Variants in WWOX observed in about 807,000 individuals in gnomAD.
The protein encoded by WWOX is WW domain containing oxidoreductase, also known as WW domain-containing oxidoreductase.
A neutral mutation model predicts 46.2 loss-of-function variants in WWOX; 69 were observed. That is an observed-to-expected ratio of 1.49 (90% CI 1.23 to 1.82). The LOEUF (loss-of-function observed/expected upper bound fraction) is 1.82. WWOX is among the 40% of genes most tolerant of loss of function. The pLI, the probability that WWOX is intolerant of heterozygous loss-of-function variation, is 0.00. For synonymous variants in WWOX, 359 were observed against 202.6 expected, an observed-to-expected ratio of 1.77 and a Z score of -6.56; for missense variants, 919 against 542.6, an observed-to-expected ratio of 1.69 and a Z score of -6.89.
At chr16:78,457,768 T>C (rs1489224803) in intron 8 of WWOX, among the ~76,000 whole-genome samples, 1 of 151,756 alleles carries the variant, frequency 6.6e-6, no homozygotes, top group Non-Finnish European at 1.5e-5. Flanking sequence ...ACAAAAATTA[T>C]AGCTGGGCGT....
chr16:78,427,820 G>A (rs929588780), intron 7 of WWOX, among the ~76,000 whole-genome samples: 5 of 151,308 alleles, frequency 3.3e-5, no homozygotes, highest in Admixed American at 2.6e-4. Context: ...TGCAGTATAG[G>A]CCAGGCACAG....
intron 5 of WWOX, among the ~76,000 whole-genome samples, chr16:78,185,862 C>T (rs2035684987): frequency 6.6e-6 from 1 of 151,828 alleles, no homozygotes; most frequent in Non-Finnish European, 1.5e-5. Context: ...AGATGGGTTT[C>T]ACCATGTTGG....
At chr16:78,369,309 CAG>C (rs1173403306) in intron 5 of WWOX, among the ~76,000 whole-genome samples, 1 of 151,804 alleles carries the variant, frequency 6.6e-6, no homozygotes. Flanking sequence ...ATTTCATACT[CAG>C]GGGTATCTTT....
chr16:78,144,608 GC>G (rs1276164707), intron 4 of WWOX, among the ~76,000 whole-genome samples: 1 of 141,832 alleles, frequency 7.1e-6, no homozygotes, highest in Non-Finnish European at 1.5e-5. Flanking sequence ...TGCAACCTCT[GC>G]CTCCCAGGTT....
chr16:78,622,081 G>A (rs996179803), intron 8 of WWOX, among the ~76,000 whole-genome samples: 1 of 152,148 alleles, frequency 6.6e-6, no homozygotes, highest in African/African-American at 2.4e-5. Context: ...AAGCACACCA[G>A]TATTTTATTA....
chr16:78,655,931 T>C (rs1194580581), intron 8 of WWOX, among the ~76,000 whole-genome samples: 2 of 152,118 alleles, frequency 1.3e-5, no homozygotes, highest in Non-Finnish European at 2.9e-5. Flanking sequence ...TCTTTGTGCA[T>C]CTTAAAATCC....
intron 5 of WWOX, among the ~76,000 whole-genome samples, chr16:78,238,755 G>A (rs1463564600): frequency 6.6e-6 from 1 of 151,908 alleles, no homozygotes; most frequent in Non-Finnish European, 1.5e-5. Context: ...GAGTAGCTGG[G>A]ATTACAGACA....
intron 8 of WWOX, among the ~76,000 whole-genome samples, chr16:78,907,021 G>C (rs2044983016): frequency 6.6e-6 from 1 of 152,192 alleles, no homozygotes; most frequent in East Asian, 1.9e-4. Flanking sequence ...CTAGACAGGG[G>C]AATTGCAATA....
chr16:79,145,636 G>A lies in WWOX; in HGVS notation c.1057-65972G>A, dbSNP rs559537483. On this transcript the variant is annotated intron_variant, in intron 8 of 8. Transcript: ENST00000566780. The stretch of plus-strand genomic sequence containing the variant: ...TAACAAATACAGTAAGACAAAAAAA[G>A]TCTTAAGTAATGGGATGAAACCAAA... Among the ~76,000 whole-genome samples, 4 of 152,258 alleles carry A rather than the reference G, an allele frequency of 2.6e-5. No individual in the cohort carries two copies. In the East Asian group the frequency reaches 7.7e-4, roughly 29 times the overall value.
intron 8 of WWOX, among the ~76,000 whole-genome samples, chr16:78,654,593 T>C (rs2047039482): frequency 1.3e-5 from 2 of 152,172 alleles, no homozygotes; most frequent in Admixed American, 6.5e-5. Context: ...TAAATAGTTT[T>C]TTAGGTGATC....
intron 6 of WWOX, among the ~76,000 whole-genome samples, chr16:78,403,133 C>T (rs2082451401): frequency 6.6e-6 from 1 of 152,198 alleles, no homozygotes; most frequent in African/African-American, 2.4e-5. Flanking sequence ...GGGAGATGTA[C>T]AAAATGCATG....
intron 5 of WWOX, among the ~76,000 whole-genome samples, chr16:78,223,772 A>G (rs188640911): frequency 6.6e-6 from 1 of 152,306 alleles, no homozygotes; most frequent in Admixed American, 6.5e-5. Context: ...GAGCTGAGAA[A>G]TGATTTTCAC....
At chr16:78,456,823 A>T (rs2083829707) in intron 8 of WWOX, among the ~76,000 whole-genome samples, 1 of 152,244 alleles carries the variant, frequency 6.6e-6, no homozygotes, top group South Asian at 2.1e-4. Context: ...CAACATTAAC[A>T]AACCATGTTA....
At chr16:78,634,652 G>A (rs1198435182) in intron 8 of WWOX, among the ~76,000 whole-genome samples, 1 of 150,658 alleles carries the variant, frequency 6.6e-6, no homozygotes, top group Non-Finnish European at 1.5e-5. Context: ...GTTGCAGTGA[G>A]CCAAGATTGC....
At chr16:78,485,249 G>C (rs1196370846) in intron 8 of WWOX, among the ~76,000 whole-genome samples, 1 of 152,108 alleles carries the variant, frequency 6.6e-6, no homozygotes, top group Non-Finnish European at 1.5e-5. Flanking sequence ...CACATGCACA[G>C]CCTCCTCCAG....
At chr16:78,453,070 C>T (rs1374706844) in intron 8 of WWOX, among the ~76,000 whole-genome samples, 1 of 150,222 alleles carries the variant, frequency 6.7e-6, no homozygotes, top group Non-Finnish European at 1.5e-5. Context: ...TTTGTGAAGA[C>T]GGGTTTCATC....
intron 8 of WWOX, among the ~76,000 whole-genome samples, chr16:78,436,092 A>G (rs1342661836): frequency 6.6e-6 from 1 of 152,186 alleles, no homozygotes; most frequent in Non-Finnish European, 1.5e-5. Context: ...TGACATGCCT[A>G]GCTCAGTGCC....
chr16:78,178,709 C>G (rs2035430255), intron 5 of WWOX, among the ~76,000 whole-genome samples: 1 of 151,930 alleles, frequency 6.6e-6, no homozygotes, highest in Admixed American at 6.6e-5. Flanking sequence ...ACTAAAAATA[C>G]AAAAATTAGC....
chr16:78,904,309 G>A (rs560936542), intron 8 of WWOX, among the ~76,000 whole-genome samples: 1 of 146,412 alleles, frequency 6.8e-6, no homozygotes, highest in African/African-American at 2.5e-5. Flanking sequence ...CATGATCTCG[G>A]CTCACTGCAA....
Sources: gnomAD v4.1 joint callset for allele counts (sites outside exome capture counted in the v4.1 genomes callset) on GRCh38, gnomAD v4.1.1 for gene constraint, MANE v1.5 for transcripts, NCBI Gene and HGNC (gene_info 2026-07-23, HGNC 2026-07-21) for gene names.